Variants in PPP1R13B observed in about 807,000 individuals in gnomAD.
The protein encoded by PPP1R13B is apoptosis-stimulating of p53 protein 1.
PPP1R13B carries 44 observed loss-of-function variants against 119.8 expected under a neutral mutation model. That is an observed-to-expected ratio of 0.37 (90% CI 0.29 to 0.47). The LOEUF is 0.47. Among genes scored for constraint, PPP1R13B ranks in the 20% least tolerant of loss-of-function variants. The pLI is 0.99. For synonymous variants in PPP1R13B, 542 were observed against 561.5 expected (o/e 0.97, Z 0.49); for missense variants, 1,227 against 1,413.5 (o/e 0.87, Z 2.12).
chr14:103,833,355 T>C (rs1249474421), intron 1 of PPP1R13B, among the ~76,000 whole-genome samples: 1 of 152,016 alleles, frequency 6.6e-6, no homozygotes, highest in Non-Finnish European at 1.5e-5. Context: ...TGTCAATCTT[T>C]CTACCTGGCC....
chr14:103,735,826 G>A (rs1038034297), intron 16 of PPP1R13B, among the ~76,000 whole-genome samples, 177 bp downstream of exon 16: 1 of 152,152 alleles, frequency 6.6e-6, no homozygotes, highest in Non-Finnish European at 1.5e-5. Flanking sequence ...GGAACCTCCT[G>A]GGGCCCTGCC....
At chr14:103,746,352 A>G in intron 9 of PPP1R13B, 21 bp downstream of exon 9, 1 of 1,192,560 alleles carries the variant, frequency 8.4e-7, no homozygotes, top group Non-Finnish European at 1.1e-6. Flanking sequence ...CTCCCCCAGG[A>G]AGAGGGCCAG....
chr14:103,764,896 G>A (rs2084902808), intron 4 of PPP1R13B, among the ~76,000 whole-genome samples: 2 of 152,000 alleles, frequency 1.3e-5, no homozygotes, highest in South Asian at 4.2e-4. Context: ...TCGGCTCACT[G>A]CAAGCTCTGC....
chr14:103,772,722 G>C (rs1206356956), intron 4 of PPP1R13B, among the ~76,000 whole-genome samples: 3 of 150,176 alleles, frequency 2.0e-5, no homozygotes, highest in African/African-American at 7.4e-5. Flanking sequence ...GCCCAGGCTA[G>C]AGTGCAGTGG....
chr14:103,761,819 G>A (rs141982394), intron 4 of PPP1R13B, among the ~76,000 whole-genome samples: 4 of 152,030 alleles, frequency 2.6e-5, no homozygotes, highest in Non-Finnish European at 4.4e-5. Context: ...TCTATAAGGA[G>A]TGGTATTTTG....
intron 1 of PPP1R13B, among the ~76,000 whole-genome samples, chr14:103,816,068 A>G (rs1450580885): frequency 2.0e-5 from 3 of 152,068 alleles, no homozygotes; most frequent in African/African-American, 7.2e-5. Flanking sequence ...TGGGCAGCAG[A>G]GCAAGACTCC....
At chr14:103,804,165 T>C in intron 1 of PPP1R13B, 1 of 505,582 alleles carries the variant, frequency 2.0e-6, no homozygotes, top group Non-Finnish European at 2.6e-6. Flanking sequence ...TCCAGCTCAG[T>C]GCCTGGACAC....
rs2084281524 is a variant in PPP1R13B at position 103,742,411 on chromosome 14, A to G, written c.1321-120T>C. On this transcript the variant is annotated intron_variant, in intron 10 of 16. Transcript: ENST00000202556. The surrounding 1 kb of genome is among the most constrained non-coding windows in gnomAD (Gnocchi z 4.9). ...GTAATCCGTCAAATTGGCTGTGACC[A>G]GGACTTGGGGCACACTGTTGAGCTC... The G allele has an allele frequency of 1.4e-6, 2 of 1,382,012 alleles. No homozygotes were observed. Among genetic ancestry groups the G allele is most frequent in the Admixed American group, 2.4e-5 (1 of 41,322 alleles). The allele number at this position is 1,382,012 out of a possible 1,614,324, so 85.6% of individuals were successfully genotyped here.
intron 1 of PPP1R13B, among the ~76,000 whole-genome samples, chr14:103,839,233 T>G (rs1233540180): frequency 6.6e-6 from 1 of 152,008 alleles, no homozygotes; most frequent in Non-Finnish European, 1.5e-5. Context: ...AGGATGGTCT[T>G]GATCTCCTAA....
intron 1 of PPP1R13B, among the ~76,000 whole-genome samples, chr14:103,831,795 G>A (rs1368660382): frequency 6.6e-6 from 1 of 152,012 alleles, no homozygotes; most frequent in Admixed American, 6.6e-5. Flanking sequence ...AATTAGCCAG[G>A]CATGGTGACA....
At chr14:103,838,985 T>G (rs1211022324) in intron 1 of PPP1R13B, among the ~76,000 whole-genome samples, 3 of 152,136 alleles carry the variant, frequency 2.0e-5, no homozygotes, top group African/African-American at 4.8e-5. Context: ...CACAGACCAC[T>G]GTGTTTCATT....
At chr14:103,772,635 T>C (rs1359903324) in intron 4 of PPP1R13B, among the ~76,000 whole-genome samples, 5 of 152,078 alleles carry the variant, frequency 3.3e-5, no homozygotes, top group African/African-American at 7.2e-5. Flanking sequence ...TATATTTTAT[T>C]TGGGGAAGCA....
At chr14:103,745,860 AAGCACAGTG>A (rs921404951) in intron 9 of PPP1R13B, among the ~76,000 whole-genome samples, 1 of 152,100 alleles carries the variant, frequency 6.6e-6, no homozygotes, top group African/African-American at 2.4e-5. Context: ...GCCCAGGCTG[AAGCACAGTG>A]GCACGATCTC....
At chr14:103,764,969 C>G (rs888861422) in intron 4 of PPP1R13B, among the ~76,000 whole-genome samples, 2 of 152,200 alleles carry the variant, frequency 1.3e-5, no homozygotes, top group Non-Finnish European at 2.9e-5. Flanking sequence ...CAGACGCCCG[C>G]CACCACGCCC....
intron 1 of PPP1R13B, among the ~76,000 whole-genome samples, chr14:103,802,037 T>C (rs926229502): frequency 9.9e-5 from 15 of 152,242 alleles, no homozygotes; most frequent in African/African-American, 3.6e-4. Flanking sequence ...AGGTAATCAC[T>C]GGATCCAGCT....
intron 1 of PPP1R13B, among the ~76,000 whole-genome samples, chr14:103,820,803 C>T (rs1421510675): frequency 6.6e-6 from 1 of 151,900 alleles, no homozygotes; most frequent in African/African-American, 2.4e-5. Flanking sequence ...CAGCCCTAGT[C>T]CTTTCAGAAG....
intron 1 of PPP1R13B, among the ~76,000 whole-genome samples, chr14:103,807,253 G>A (rs796376192): frequency 3.9e-5 from 6 of 152,190 alleles, no homozygotes; most frequent in African/African-American, 9.6e-5. Flanking sequence ...TTCCTTAACC[G>A]AGAGTCTACC....
intron 1 of PPP1R13B, among the ~76,000 whole-genome samples, chr14:103,833,520 G>A (rs2086705855): frequency 6.6e-6 from 1 of 152,110 alleles, no homozygotes; most frequent in Non-Finnish European, 1.5e-5. Flanking sequence ...GTGCACACCT[G>A]TAATGCCAGC....
Position 103,847,351 on chromosome 14 carries a change from C to G in PPP1R13B, c.-44G>C, listed in dbSNP as rs1364077584. ...CGCCCTCGGCCGCCGCCTGACAGGACGCTCCGCGCCGAGCTGTGCCCACCG... is the reference window on the plus strand; with the variant it reads ...CGCCCTCGGCCGCCGCCTGACAGGAGGCTCCGCGCCGAGCTGTGCCCACCG... On this transcript the variant is annotated 5_prime_UTR_variant, in exon 1 of 17. Transcript: ENST00000202556. The G allele has an allele frequency of 1.9e-5, 23 of 1,204,594 alleles. No individual in the cohort carries two copies. Among genetic ancestry groups the G allele is most frequent in the Non-Finnish European group, 2.4e-5 (23 of 952,512 alleles). 74.6% of individuals were successfully genotyped at this position (1,204,594 alleles called of 1,614,324 possible).
Sources: allele counts gnomAD v4.1 joint callset (sites outside exome capture counted in the v4.1 genomes callset), GRCh38; gene constraint gnomAD v4.1.1; non-coding constraint Gnocchi (gnomAD v3.1); transcripts MANE v1.5; gene names NCBI Gene and HGNC (gene_info 2026-07-23, HGNC 2026-07-21).